FAT4: variants seen among roughly 807,000 people sequenced by gnomAD.
FAT4 encodes the protein protocadherin Fat 4.
A neutral mutation model predicts 303.9 loss-of-function variants in FAT4; 84 were observed. That is an observed-to-expected ratio of 0.28 (90% CI 0.23 to 0.33). The LOEUF (loss-of-function observed/expected upper bound fraction) is 0.33. Ranked by LOEUF, FAT4 falls within the 10% of genes least tolerant of loss-of-function variation. The pLI is 1.00. For missense variants in FAT4, 6,005 were observed against 6,146.8 expected (o/e 0.98, Z 0.77); for synonymous variants, 2,307 against 2,298.8 (o/e 1.00, Z -0.10).
At chr4:125,488,560 T>C (rs6822253) in intron 17 of FAT4, among the ~76,000 whole-genome samples, 58,369 of 151,876 alleles carry the variant, frequency 0.38, 11,242 homozygotes, top group Middle Eastern at 0.46. Flanking sequence ...AACCAAACTG[T>C]TAGTGATTAT....
At chr4:125,329,027 T>G (rs941230959) in intron 2 of FAT4, among the ~76,000 whole-genome samples, 1 of 152,226 alleles carries the variant, frequency 6.6e-6, no homozygotes, top group Admixed American at 6.5e-5. Flanking sequence ...GTAGGATTAC[T>G]TTAGGTCCCT....
At chr4:125,372,972 G>A (rs946096332) in intron 2 of FAT4, among the ~76,000 whole-genome samples, 2 of 152,044 alleles carry the variant, frequency 1.3e-5, no homozygotes, top group Non-Finnish European at 2.9e-5. Context: ...CTCTAAGCCC[G>A]ACAACTTCGC....
intron 2 of FAT4, among the ~76,000 whole-genome samples, chr4:125,368,784 C>T (rs1732990565): frequency 6.6e-6 from 1 of 151,658 alleles, no homozygotes; most frequent in Non-Finnish European, 1.5e-5. Context: ...TAGCCATAAG[C>T]CTGCCGAGGA....
chr4:125,487,287 G>T, intron 16 of FAT4, 58 bp from the exon 17 acceptor site: 2 of 1,514,782 alleles, frequency 1.3e-6, no homozygotes, highest in South Asian at 1.3e-5. Flanking sequence ...TTTTGTTAAT[G>T]ATTTTTATTT....
Position 125,490,247 on chromosome 4 carries a change from G to A in FAT4, c.13431G>A (p.Gln4477=), listed in dbSNP as rs1727571378. 4 of 1,614,006 alleles carry A rather than the reference G, an allele frequency of 2.5e-6. No individual in the cohort carries two copies. The African/African-American group carries it at 4.0e-5, about 16-fold the overall frequency. The change falls in exon 18 of 18, where the codon CAG becomes CAA. Residue 4477 remains glutamine (Q), a synonymous_variant. Coordinates refer to ENST00000394329, the MANE Select transcript of FAT4 (RefSeq NM_001291303.3). ...CCTGTCTTGGCGTCCTCTGTCCTCA[G>A]GGGAAGGTGTGCAAAGCTGGAAGTC... The part of the protein sequence containing the change: ...VVACLGVLCP[Q]GKVCKAGSPA...
chr4:125,345,640 T>G (rs923722454), intron 2 of FAT4, among the ~76,000 whole-genome samples: 1 of 152,098 alleles, frequency 6.6e-6, no homozygotes, highest in Non-Finnish European at 1.5e-5. Context: ...CACTTTGAAT[T>G]GCTTTGCATG....
At chr4:125,357,653 A>G (rs1732484983) in intron 2 of FAT4, among the ~76,000 whole-genome samples, 1 of 152,138 alleles carries the variant, frequency 6.6e-6, no homozygotes, top group Non-Finnish European at 1.5e-5. Context: ...GAAACAAAAT[A>G]TTTTATCTCC....
rs1002818459 is a variant in FAT4, at chr4:125,444,882, C to T, written c.7200-1411C>T. ...CACAATTCTCAAATCCAGTTTTCTA[C>T]ACTTTGTAAAACGTTAAGGTATTTT... On this transcript the variant is annotated intron_variant, in intron 8 of 17. Transcript: ENST00000394329. Among the ~76,000 whole-genome samples the T allele has an allele frequency of 4.6e-5, 7 of 152,206 alleles. No homozygotes were observed. The East Asian group carries it at 7.7e-4, about 17-fold the overall frequency.
Position 125,448,976 on chromosome 4 carries a change from A to C in FAT4, c.7966A>C (p.Lys2656Gln), listed in dbSNP as rs760398912. 40 of 1,613,836 alleles carry C rather than the reference A, an allele frequency of 2.5e-5. No homozygotes were observed. In the Middle Eastern group the frequency reaches 4.9e-4, roughly 20 times the overall value. Residue 2656 changes from lysine (K) to glutamine (Q), a missense_variant, in exon 10 of 18, where the codon AAA becomes CAA. Coordinates refer to ENST00000394329, the MANE Select transcript of FAT4 (RefSeq NM_001291303.3). The stretch of plus-strand genomic sequence containing the variant: ...TTTCCCTCCTTTCTCCTCTTACGAG[A>C]AACTTGATATAACAGTATTAGATGT... Reference protein sequence around the residue: ...GGFPPFSSYEKLDITVLDVND... With the variant: ...GGFPPFSSYEQLDITVLDVND...
At position 125,481,594 on chromosome 4, in the gene FAT4, G is replaced by A. The variant is rs2126087199; in HGVS notation, c.12678G>A (p.Lys4226=). 4 of 1,614,050 alleles carry A rather than the reference G, an allele frequency of 2.5e-6. No individual in the cohort carries two copies. The highest frequency in any genetic ancestry group is 4.5e-5 in the East Asian group (2 of 44,872). Residue 4226 remains lysine, a synonymous_variant, in exon 16 of 18, where the codon AAG becomes AAA. Transcript: ENST00000394329. ...RLDYHMSQNE[K]REYLLRQSLR... is the part of the protein sequence containing the mutation. Reference sequence around the variant, plus strand: ...ACTACCACATGAGTCAGAATGAGAAGCGGGAATATTTGTTAAGGCAAAGCT... The same window carrying A: ...ACTACCACATGAGTCAGAATGAGAAACGGGAATATTTGTTAAGGCAAAGCT...
intron 2 of FAT4, among the ~76,000 whole-genome samples, chr4:125,363,204 TGTAA>T (rs1041195097): frequency 3.3e-5 from 5 of 152,018 alleles, no homozygotes; most frequent in Non-Finnish European, 5.9e-5. Flanking sequence ...ACATGGAATT[TGTAA>T]GTGTTAGTCA....
intron 7 of FAT4, among the ~76,000 whole-genome samples, chr4:125,428,666 A>G (rs561711371): frequency 1.3e-5 from 2 of 152,304 alleles, no homozygotes; most frequent in Admixed American, 6.5e-5. Flanking sequence ...TTATGTTTAT[A>G]TGAATACATA....
intron 16 of FAT4, among the ~76,000 whole-genome samples, chr4:125,485,617 C>G (rs1050208892): frequency 1.3e-5 from 2 of 152,100 alleles, no homozygotes; most frequent in African/African-American, 4.8e-5. Context: ...GGAATCCCAC[C>G]TAAAGGACCT....
Position 125,398,780 on chromosome 4 carries a change from G to C in FAT4, c.5176-4G>C. The C allele has an allele frequency of 6.2e-7, 1 of 1,612,136 alleles. No individual in the cohort carries two copies. On this transcript the variant is annotated splice_polypyrimidine_tract_variant and splice_region_variant and intron_variant, in intron 2 of 17. Transcript: ENST00000394329. ...TTCACACATTGTTTCCTTTTTCTTT[G>C]TAGGTAGAAATAACACTTCAGGATA...
Position 125,316,307 on chromosome 4 carries a change from G to A in FAT4, c.-12-93G>A. ...TGAAATAGCAGAGGTCTCAGACCAA[G>A]CCGTCAGCTGAATCTTTGCTGGCGC... is the stretch of plus-strand genomic sequence containing the variant. On this transcript the variant is annotated intron_variant, in intron 1 of 17. Transcript: ENST00000394329. This position sits in a 1 kb window ranked among gnomAD's most constrained non-coding sequence, Gnocchi z 5.7. 6.9e-7 allele frequency: 1 copy of A among 1,443,726 alleles called. No homozygotes were observed. The highest frequency in any genetic ancestry group is 1.4e-5 in the South Asian group (1 of 72,074). 89.4% of individuals were successfully genotyped at this position (1,443,726 alleles called of 1,614,324 possible).
intron 2 of FAT4, among the ~76,000 whole-genome samples, chr4:125,345,223 C>T (rs1731950906): frequency 6.6e-6 from 1 of 152,072 alleles, no homozygotes. Flanking sequence ...GCAGATCATC[C>T]TCCAACTTAA....
At position 125,318,811 on chromosome 4, in the gene FAT4, T is replaced by G. The variant is rs763566866; in HGVS notation, c.2400T>G (p.Phe800Leu). ...PPVFSQVAYSFVVFENVALGY... is the reference protein window; with the variant it reads ...PPVFSQVAYSLVVFENVALGY... ...TATTCAGTCAGGTTGCCTACAGCTT[T>G]GTGGTTTTTGAGAACGTGGCGCTGG... The change falls in exon 2 of 18, where the codon TTT (phenylalanine) becomes TTG (leucine). Residue 800 changes from phenylalanine to leucine, a missense_variant. By Grantham distance (22) the Phe-to-Leu change is conservative. Coordinates refer to ENST00000394329, the MANE Select transcript of FAT4 (RefSeq NM_001291303.3). The G allele has an allele frequency of 1.4e-5, 23 of 1,614,212 alleles. No individual in the cohort carries two copies. The highest frequency in any genetic ancestry group is 1.9e-5 in the Non-Finnish European group (22 of 1,180,042).
chr4:125,460,351 AG>A (rs1726440061), intron 10 of FAT4, among the ~76,000 whole-genome samples: 1 of 151,964 alleles, frequency 6.6e-6, no homozygotes, highest in South Asian at 2.1e-4. Flanking sequence ...CTCATGTCAC[AG>A]GGTTCGTTAT....
chr4:125,394,501 A>C (rs1470139836), intron 2 of FAT4, among the ~76,000 whole-genome samples: 1 of 152,174 alleles, frequency 6.6e-6, no homozygotes, highest in Non-Finnish European at 1.5e-5. Context: ...GTAGACTTTT[A>C]AGATCTCAGA....
Sources: gnomAD v4.1 joint callset for allele counts (sites outside exome capture counted in the v4.1 genomes callset) on GRCh38, gnomAD v4.1.1 for gene constraint, Gnocchi (gnomAD v3.1) non-coding constraint, MANE v1.5 for transcripts, NCBI Gene and HGNC (gene_info 2026-07-23, HGNC 2026-07-21) for gene names.